The following CADPS2 variants were observed in gnomAD, a reference collection of about 807,000 sequenced individuals.
CADPS2 encodes the protein calcium dependent secretion activator 2.
A neutral mutation model predicts 172.5 loss-of-function variants in CADPS2; 93 were observed. The observed-to-expected ratio is 0.54, with a 90% CI of 0.46 to 0.64. The LOEUF (loss-of-function observed/expected upper bound fraction) is 0.64, where lower values mean the gene tolerates loss of function less well. Among genes scored for constraint, CADPS2 ranks in the 30% least tolerant of loss-of-function variants. The pLI, the probability that CADPS2 is intolerant of heterozygous loss-of-function variation, is 0.00. For missense variants in CADPS2, 1,420 were observed against 1,565.9 expected, an observed-to-expected ratio of 0.91 and a Z score of 1.57; for synonymous variants, 546 against 555.2, an observed-to-expected ratio of 0.98 and a Z score of 0.23.
intron 3 of CADPS2, among the ~76,000 whole-genome samples, chr7:122,647,117 A>G (rs2078645245): frequency 6.6e-6 from 1 of 152,168 alleles, no homozygotes; most frequent in Non-Finnish European, 1.5e-5. Context: ...TTTAAGTGAC[A>G]CAGTGCGAAA....
Position 122,388,621 on chromosome 7 carries a change from T to C in CADPS2, c.3126A>G (p.Lys1042=). 1.2e-6 allele frequency: 2 copies of C among 1,609,344 alleles called. No individual in the cohort carries two copies. Among genetic ancestry groups the C allele is most frequent in the Non-Finnish European group, 1.7e-6 (2 of 1,176,956 alleles). The part of the protein sequence containing the change: ...EFAHHLEQRL[K]LMASDMLEAC... ...CCTCTAGCATATCACTGGCCATTAG[T>C]TTAAGTCTTTGCTCTAAGTGGTGGG... Residue 1042 remains lysine (K), a synonymous_variant, in exon 23 of 30, where the codon AAA becomes AAG. Coordinates refer to ENST00000449022, the MANE Select transcript of CADPS2 (RefSeq NM_017954.11).
At chr7:122,773,370 C>A (rs544801040) in intron 1 of CADPS2, among the ~76,000 whole-genome samples, 26 of 151,972 alleles carry the variant, frequency 1.7e-4, no homozygotes, top group Admixed American at 8.5e-4. Context: ...TAATAATATC[C>A]GTGTTCATTT....
chr7:122,644,568 A>T (rs1331350252), intron 3 of CADPS2, among the ~76,000 whole-genome samples: 1 of 152,228 alleles, frequency 6.6e-6, no homozygotes, highest in Non-Finnish European at 1.5e-5. Flanking sequence ...ATTTTATTCC[A>T]AAACAGAGTA....
intron 17 of CADPS2, among the ~76,000 whole-genome samples, chr7:122,433,147 C>CGTGTGT (rs112891927): frequency 8.1e-4 from 120 of 148,952 alleles, no homozygotes; most frequent in Middle Eastern, 3.4e-3. Flanking sequence ...CTATTTGAGG[C>CGTGTGT]GTGTGTGTGT....
chr7:122,350,356 T>C, intron 27 of CADPS2, among the ~76,000 whole-genome samples: 1 of 152,214 alleles, frequency 6.6e-6, no homozygotes, highest in East Asian at 1.9e-4. Context: ...TCAGGTATTG[T>C]TAAAAACAAT....
At chr7:122,730,669 GAAACACC>G (rs2091552467) in intron 2 of CADPS2, among the ~76,000 whole-genome samples, 1 of 151,600 alleles carries the variant, frequency 6.6e-6, no homozygotes, top group Non-Finnish European at 1.5e-5. Context: ...ATACAAAACA[GAAACACC>G]AAACTGTAAA....
intron 15 of CADPS2, among the ~76,000 whole-genome samples, chr7:122,450,183 ACTAAGTTTATTTT>A (rs2052871671): frequency 6.6e-6 from 1 of 152,214 alleles, no homozygotes; most frequent in African/African-American, 2.4e-5. Context: ...GAACATATTC[ACTAAGTTTATTTT>A]TTAAATAAGT....
intron 6 of CADPS2, among the ~76,000 whole-genome samples, chr7:122,610,183 T>C (rs2074116236): frequency 6.6e-6 from 1 of 151,912 alleles, no homozygotes; most frequent in Non-Finnish European, 1.5e-5. Flanking sequence ...GGGCTTATTA[T>C]AATACTTCCT....
chr7:122,454,809 G>A (rs1382238054), intron 14 of CADPS2, among the ~76,000 whole-genome samples: 1 of 152,028 alleles, frequency 6.6e-6, no homozygotes, highest in Non-Finnish European at 1.5e-5. Flanking sequence ...ATTCATTCCT[G>A]CCAGCTCTAC....
intron 6 of CADPS2, among the ~76,000 whole-genome samples, chr7:122,604,036 A>G (rs1358433551): frequency 1.3e-5 from 2 of 152,168 alleles, no homozygotes; most frequent in South Asian, 2.1e-4. Flanking sequence ...ATATCAAATA[A>G]TCATGTTGGA....
chr7:122,754,698 A>G (rs2093088070), intron 1 of CADPS2, among the ~76,000 whole-genome samples: 1 of 152,000 alleles, frequency 6.6e-6, no homozygotes, highest in South Asian at 2.1e-4. Flanking sequence ...TTGGTCTCAA[A>G]CTCCTGACTC....
intron 8 of CADPS2, among the ~76,000 whole-genome samples, chr7:122,514,670 T>A (rs571910413): frequency 1.3e-5 from 2 of 152,216 alleles, no homozygotes. Context: ...GAGGTGCACA[T>A]AAAGGTGTAT....
intron 2 of CADPS2, among the ~76,000 whole-genome samples, chr7:122,727,002 C>T (rs1470527596): frequency 2.6e-5 from 4 of 151,990 alleles, no homozygotes; most frequent in East Asian, 1.9e-4. Context: ...AATGGACCTC[C>T]CCATCAGAAA....
At chr7:122,361,320 ACCTCCCGAGTTCAAACTATTCTCCTG>A (rs1314596035) in intron 25 of CADPS2, among the ~76,000 whole-genome samples, 1 of 140,066 alleles carries the variant, frequency 7.1e-6, no homozygotes, top group South Asian at 2.3e-4. Flanking sequence ...TGCAACCTCC[ACCTCCCGAGTTCAAACTATTCTCCTG>A]CCTCAGCCTC....
At chr7:122,563,599 T>C (rs1437075732) in intron 7 of CADPS2, among the ~76,000 whole-genome samples, 1 of 152,190 alleles carries the variant, frequency 6.6e-6, no homozygotes, top group Non-Finnish European at 1.5e-5. Context: ...TTCATAAATA[T>C]AACAAATTTA....
At chr7:122,503,396 CACGTT>C (rs1006822770) in intron 9 of CADPS2, among the ~76,000 whole-genome samples, 17 of 151,850 alleles carry the variant, frequency 1.1e-4, no homozygotes, top group Non-Finnish European at 2.1e-4. Context: ...TTCTATTGAA[CACGTT>C]ACTGAATGAT....
At chr7:122,715,789 C>T (rs1405582562) in intron 2 of CADPS2, among the ~76,000 whole-genome samples, 1 of 151,968 alleles carries the variant, frequency 6.6e-6, no homozygotes, top group African/African-American at 2.4e-5. Context: ...ACATGGTCTG[C>T]CCCTAGTAAG....
chr7:122,808,178 T>C (rs1799215674), intron 1 of CADPS2, among the ~76,000 whole-genome samples: 2 of 152,198 alleles, frequency 1.3e-5, no homozygotes, highest in South Asian at 4.1e-4. Context: ...ATTGCTTCTA[T>C]GTGTCTTCTG....
chr7:122,488,810 A>T (rs1358914089), intron 11 of CADPS2, among the ~76,000 whole-genome samples: 1 of 152,244 alleles, frequency 6.6e-6, no homozygotes, highest in East Asian at 1.9e-4. Flanking sequence ...TTTTTTGGCA[A>T]CATTAGAAAT....
Sources: gnomAD v4.1 joint callset for allele counts (sites outside exome capture counted in the v4.1 genomes callset) on GRCh38, gnomAD v4.1.1 for gene constraint, MANE v1.5 for transcripts, NCBI Gene and HGNC (gene_info 2026-07-23, HGNC 2026-07-21) for gene names.